SCAMP5: variants seen among roughly 807,000 people sequenced by gnomAD.
SCAMP5 encodes the protein secretory carrier membrane protein 5, also known as secretory carrier-associated membrane protein 5.
In SCAMP5, 7 loss-of-function variants were observed where a neutral mutation model predicts 28.3. That is an observed-to-expected ratio of 0.25 (90% CI 0.14 to 0.46). SCAMP5 has a LOEUF of 0.46. Among genes scored for constraint, SCAMP5 ranks in the 20% least tolerant of loss-of-function variants. SCAMP5 has a pLI of 0.99. For synonymous variants in SCAMP5, 117 were observed against 116.4 expected (o/e 1.00, Z -0.03); for missense variants, 192 against 312.5 (o/e 0.61, Z 2.91).
chr15:74,997,963 A>C (rs772140564), intron 1 of SCAMP5, among the ~76,000 whole-genome samples: 1 of 152,172 alleles, frequency 6.6e-6, no homozygotes, highest in Non-Finnish European at 1.5e-5. Flanking sequence ...TCTGGGCAGC[A>C]AAAAGGAATC....
chr15:75,014,532 G>A (rs2141451056), intron 3 of SCAMP5, among the ~76,000 whole-genome samples: 1 of 152,354 alleles, frequency 6.6e-6, no homozygotes, highest in South Asian at 2.1e-4. Flanking sequence ...ATTGGCTGAT[G>A]TGAATTTACA....
intron 3 of SCAMP5, among the ~76,000 whole-genome samples, chr15:75,015,797 G>T (rs917831892): frequency 6.6e-6 from 1 of 151,946 alleles, no homozygotes; most frequent in Non-Finnish European, 1.5e-5. Context: ...GTGATGGCAG[G>T]CACCTGTAAT....
intron 1 of SCAMP5, among the ~76,000 whole-genome samples, chr15:75,005,981 C>CTTTT (rs527501720): frequency 9.9e-5 from 8 of 81,008 alleles, no homozygotes; most frequent in African/African-American, 2.7e-4. Context: ...CTCGGCCTCC[C>CTTTT]TTTTTTTTTT....
Position 75,018,720 on chromosome 15 carries a change from C to A in SCAMP5, c.514-69C>A. On this transcript the variant is annotated intron_variant, in intron 6 of 6. Transcript: ENST00000425597. This position sits in a 1 kb window ranked among gnomAD's most constrained non-coding sequence, Gnocchi z 5.6. ...CACTGTTTTTTTTTTACAGATGGGT[C>A]CCATCTATTTCCTGGATGGGCTGCC... 1 of 1,202,796 alleles carries A rather than the reference C, an allele frequency of 8.3e-7. No homozygotes were observed. Among genetic ancestry groups the A allele is most frequent in the Non-Finnish European group, 1.2e-6 (1 of 817,200 alleles). 74.5% of individuals were successfully genotyped at this position (1,202,796 alleles called of 1,614,324 possible).
chr15:75,000,527 G>A (rs1424297298), intron 1 of SCAMP5, among the ~76,000 whole-genome samples: 1 of 151,936 alleles, frequency 6.6e-6, no homozygotes, highest in Non-Finnish European at 1.5e-5. Context: ...TGGGACTACG[G>A]GCCCGCCACC....
At chr15:75,003,375 C>T (rs1000858070) in intron 1 of SCAMP5, among the ~76,000 whole-genome samples, 2 of 152,276 alleles carry the variant, frequency 1.3e-5, no homozygotes, top group African/African-American at 2.4e-5. Context: ...TTCCTTTGTT[C>T]CCCAGAGAGC....
intron 1 of SCAMP5, chr15:74,995,897 C>T (rs896703880): frequency 1.3e-5 from 2 of 153,320 alleles, no homozygotes; most frequent in Admixed American, 1.3e-4. Context: ...CCCCCCAAGC[C>T]CCCCCATTCC....
Position 75,018,848 on chromosome 15 carries a change from C to T in SCAMP5, c.573C>T (p.Thr191=), listed in dbSNP as rs1169886303. Residue 191 remains threonine (T), a synonymous_variant, in exon 7 of 7, where the codon ACC becomes ACT. Transcript: ENST00000425597. The surrounding 1 kb of genome is among the most constrained non-coding windows in gnomAD (Gnocchi z 5.6). ...GSFSKAQEEW[T]TGAWKNPHVQ... ...TCAGCAAAGCTCAGGAGGAGTGGAC[C>T]ACAGGGGCCTGGAAGAATCCACATG... 3 of 1,599,540 alleles carry T rather than the reference C, an allele frequency of 1.9e-6. No homozygotes were observed. The highest frequency in any genetic ancestry group is 2.6e-6 in the Non-Finnish European group (3 of 1,176,282).
At position 74,995,568 on chromosome 15, in the gene SCAMP5, C is replaced by T. The variant is rs1417654533; in HGVS notation, c.-154C>T. The T allele has an allele frequency of 3.4e-5, 5 of 147,474 alleles. No homozygotes were observed. The highest frequency in any genetic ancestry group is 6.0e-5 in the Non-Finnish European group (4 of 66,280). 9.1% of individuals were successfully genotyped at this position (147,474 alleles called of 1,614,324 possible). A position where few individuals can be genotyped will look rare whatever the true frequency, so the allele number is the denominator to read the frequency against. On this transcript the variant is annotated 5_prime_UTR_variant, in exon 1 of 7. Transcript: ENST00000425597. ...CGCGCGCGCGCGCGCGCGCTCCCCG[C>T]CCCCAGCCCCGGAGCGGCTCGCGGC...
At chr15:75,011,878 C>A in intron 2 of SCAMP5, 32 bp downstream of exon 2, 1 of 1,601,960 alleles carries the variant, frequency 6.2e-7, no homozygotes, top group Non-Finnish European at 8.6e-7. Flanking sequence ...GTGGGTAGGA[C>A]ATGACAGTGA....
intron 1 of SCAMP5, 148 bp from the exon 2 acceptor site, chr15:75,011,644 G>C (rs1354115062): frequency 2.4e-6 from 1 of 419,114 alleles, no homozygotes; most frequent in African/African-American, 2.0e-5. Flanking sequence ...TCTGGGAGGA[G>C]GGGAGCTGCC....
Position 75,018,629 on chromosome 15 carries a change from C to A in SCAMP5, c.513+94C>A. On this transcript the variant is annotated intron_variant, in intron 6 of 6. Coordinates refer to ENST00000425597, the MANE Select transcript of SCAMP5 (RefSeq NM_138967.4). This position sits in a 1 kb window ranked among gnomAD's most constrained non-coding sequence, Gnocchi z 5.6. ...CCAAGTTGCAAGAGGATCCCGAGGTCTTCCAAGGGACTCACTCTGGAATGG... is the reference window on the plus strand; with the variant it reads ...CCAAGTTGCAAGAGGATCCCGAGGTATTCCAAGGGACTCACTCTGGAATGG... 9.2e-7 allele frequency: 1 copy of A among 1,083,554 alleles called. No individual in the cohort carries two copies. Among genetic ancestry groups the A allele is most frequent in the Non-Finnish European group, 1.4e-6 (1 of 696,826 alleles). 67.1% of individuals were successfully genotyped at this position (1,083,554 alleles called of 1,614,324 possible). A position where few individuals can be genotyped will look rare whatever the true frequency, so the allele number is the denominator to read the frequency against.
intron 3 of SCAMP5, among the ~76,000 whole-genome samples, chr15:75,015,159 A>G (rs2065847674): frequency 1.3e-5 from 2 of 149,152 alleles, no homozygotes; most frequent in Admixed American, 1.3e-4. Context: ...TCCCAAGGAA[A>G]TGTATATAAC....
intron 1 of SCAMP5, among the ~76,000 whole-genome samples, chr15:75,005,148 C>A (rs1181518861): frequency 1.3e-5 from 2 of 151,226 alleles, no homozygotes; most frequent in South Asian, 2.1e-4. Flanking sequence ...GCACTCCAGC[C>A]TGGGTGACAG....
intron 3 of SCAMP5, among the ~76,000 whole-genome samples, chr15:75,014,824 G>C (rs974034682): frequency 6.6e-6 from 1 of 152,182 alleles, no homozygotes; most frequent in African/African-American, 2.4e-5. Flanking sequence ...GGGCAGGTTG[G>C]ACTGGGGAGA....
Position 75,018,329 on chromosome 15 carries a change from T to C in SCAMP5, c.396-89T>C. 1.2e-6 allele frequency: 1 copy of C among 821,498 alleles called. No homozygotes were observed. Among genetic ancestry groups the C allele is most frequent in the Non-Finnish European group, 2.2e-6 (1 of 459,716 alleles). 50.9% of individuals were successfully genotyped at this position (821,498 alleles called of 1,614,324 possible). A position where few individuals can be genotyped will look rare whatever the true frequency, so the allele number is the denominator to read the frequency against. ...TGCATCCAGTGATATGTTTCCTCCC[T>C]GTGGCAATGAGACGGTCCCTTCCTC... On this transcript the variant is annotated intron_variant, in intron 5 of 6. Coordinates refer to ENST00000425597, the MANE Select transcript of SCAMP5 (RefSeq NM_138967.4). The surrounding 1 kb of genome is among the most constrained non-coding windows in gnomAD (Gnocchi z 5.6).
At chr15:75,005,702 T>C (rs1228942142) in intron 1 of SCAMP5, among the ~76,000 whole-genome samples, 1 of 152,188 alleles carries the variant, frequency 6.6e-6, no homozygotes, top group Non-Finnish European at 1.5e-5. Context: ...GTGCACAGCA[T>C]AGCAGGAGGC....
At chr15:75,001,143 G>A (rs1210206773) in intron 1 of SCAMP5, among the ~76,000 whole-genome samples, 1 of 151,402 alleles carries the variant, frequency 6.6e-6, no homozygotes, top group Non-Finnish European at 1.5e-5. Flanking sequence ...GGGTGGTGGC[G>A]GGTGTCTGTA....
intron 1 of SCAMP5, among the ~76,000 whole-genome samples, chr15:75,006,633 C>CA (rs1406176170): frequency 1.3e-5 from 2 of 152,010 alleles, no homozygotes; most frequent in African/African-American, 2.4e-5. Flanking sequence ...TAAAAAAATA[C>CA]AAAAAAATTC....
Sources: allele counts gnomAD v4.1 joint callset (sites outside exome capture counted in the v4.1 genomes callset), GRCh38; gene constraint gnomAD v4.1.1; non-coding constraint Gnocchi (gnomAD v3.1); transcripts MANE v1.5; gene names NCBI Gene and HGNC (gene_info 2026-07-23, HGNC 2026-07-21).